CWH43: variants seen among roughly 807,000 people sequenced by gnomAD.
The protein encoded by CWH43 is PGAP2-interacting protein.
A neutral mutation model predicts 85.7 loss-of-function variants in CWH43; 91 were observed. The ratio of observed to expected loss-of-function variants is 1.06; its 90% CI spans 0.90 to 1.26. CWH43 has a LOEUF of 1.26. Ranked by LOEUF, CWH43 falls within the 50% of genes most tolerant of loss-of-function variation. The probability of loss-of-function intolerance (pLI) is 0.00; values close to 1 mark genes in which losing one functional copy is unlikely to be tolerated. For synonymous variants in CWH43, 323 were observed against 293.6 expected, an observed-to-expected ratio of 1.10 and a Z score of -1.02; for missense variants, 869 against 839.2, an observed-to-expected ratio of 1.04 and a Z score of -0.44.
chr4:49,023,274 A>G (rs1783807142), intron 9 of CWH43, among the ~76,000 whole-genome samples: 1 of 152,226 alleles, frequency 6.6e-6, no homozygotes, highest in African/African-American at 2.4e-5. Flanking sequence ...TTAAATTTCC[A>G]TCTGATTTCA....
chr4:49,045,840 C>T (rs985805911), intron 14 of CWH43, among the ~76,000 whole-genome samples: 11 of 151,954 alleles, frequency 7.2e-5, no homozygotes, highest in Non-Finnish European at 1.5e-4. Context: ...ATTTGCATAT[C>T]AATTACCTTA....
chr4:49,061,754 AC>A, intron 15 of CWH43, 57 bp from the exon 16 acceptor site: 1 of 1,216,766 alleles, frequency 8.2e-7, no homozygotes, highest in Non-Finnish European at 1.1e-6. Flanking sequence ...ATAAGAACAT[AC>A]CTTTCTGAAT....
chr4:49,045,163 G>T (rs1171420019), intron 14 of CWH43, among the ~76,000 whole-genome samples: 1 of 152,108 alleles, frequency 6.6e-6, no homozygotes, highest in Non-Finnish European at 1.5e-5. Flanking sequence ...GAATGTATGG[G>T]TTAGTGGAAA....
At chr4:49,001,151 C>G (rs1277949878) in intron 6 of CWH43, among the ~76,000 whole-genome samples, 1 of 152,128 alleles carries the variant, frequency 6.6e-6, no homozygotes, top group East Asian at 1.9e-4. Context: ...AGCAAAGATA[C>G]AGGTGCTTTA....
chr4:49,021,241 G>A (rs1783742815), intron 9 of CWH43, among the ~76,000 whole-genome samples: 1 of 152,148 alleles, frequency 6.6e-6, no homozygotes, highest in African/African-American at 2.4e-5. Flanking sequence ...TAAGGTGAGA[G>A]ATGAGGATCC....
intron 15 of CWH43, 147 bp downstream of exon 15, chr4:49,050,996 T>A: frequency 3.4e-6 from 2 of 586,156 alleles, no homozygotes; most frequent in Non-Finnish European, 5.5e-6. Flanking sequence ...TGATAAAATC[T>A]GGTTTGGGTT....
intron 14 of CWH43, among the ~76,000 whole-genome samples, chr4:49,048,865 GA>G (rs2109836792): frequency 6.6e-6 from 1 of 152,238 alleles, no homozygotes; most frequent in African/African-American, 2.4e-5. Flanking sequence ...ATGAAGTTAG[GA>G]ACTAGGGTTT....
chr4:49,048,256 TAGG>T (rs1784689094), intron 14 of CWH43, among the ~76,000 whole-genome samples: 1 of 151,588 alleles, frequency 6.6e-6, no homozygotes, highest in Non-Finnish European at 1.5e-5. Context: ...TACCTCTCCT[TAGG>T]AGAATGGGAT....
intron 8 of CWH43, among the ~76,000 whole-genome samples, chr4:49,011,986 G>C (rs1783377195): frequency 6.6e-6 from 1 of 152,080 alleles, no homozygotes; most frequent in Non-Finnish European, 1.5e-5. Flanking sequence ...TCTTTGTGGT[G>C]TTCTCTGTAT....
At chr4:49,049,225 T>A (rs1223858728) in intron 14 of CWH43, among the ~76,000 whole-genome samples, 3 of 152,224 alleles carry the variant, frequency 2.0e-5, no homozygotes, top group Non-Finnish European at 4.4e-5. Context: ...GAGTCACATC[T>A]GATGTTCAGT....
intron 9 of CWH43, among the ~76,000 whole-genome samples, chr4:49,017,866 C>T (rs1210610938): frequency 6.6e-6 from 1 of 151,510 alleles, no homozygotes; most frequent in African/African-American, 2.4e-5. Flanking sequence ...GATGGAGTCT[C>T]ACTCTGCCGC....
chr4:49,015,668 T>A (rs1467547270), intron 8 of CWH43, among the ~76,000 whole-genome samples: 1 of 152,192 alleles, frequency 6.6e-6, no homozygotes, highest in Non-Finnish European at 1.5e-5. Context: ...TGACTCCAAT[T>A]AGATATGTGT....
intron 13 of CWH43, among the ~76,000 whole-genome samples, chr4:49,039,306 G>GATATATATATATATATATAT (rs71600797): frequency 0.029 from 133 of 4,576 alleles, 26 homozygotes; most frequent in East Asian, 0.12. Flanking sequence ...TCAGGAGACT[G>GATATATATATATATATATAT]ATATATATAT....
intron 10 of CWH43, 77 bp from the exon 11 acceptor site, chr4:49,030,748 C>A: frequency 7.3e-7 from 1 of 1,369,824 alleles, no homozygotes. Context: ...GGTTAAGGGT[C>A]AAGAGTAAAG....
At chr4:49,048,124 T>A (rs1784684446) in intron 14 of CWH43, among the ~76,000 whole-genome samples, 1 of 152,158 alleles carries the variant, frequency 6.6e-6, no homozygotes, top group Non-Finnish European at 1.5e-5. Flanking sequence ...AGAAAACGAC[T>A]TTTCATATAG....
intron 6 of CWH43, among the ~76,000 whole-genome samples, chr4:48,998,945 A>C (rs933229555): frequency 1.3e-5 from 2 of 152,294 alleles, no homozygotes; most frequent in African/African-American, 4.8e-5. Flanking sequence ...CTGATTGATA[A>C]CTTTTAAGTT....
rs1458609134 is a variant in CWH43, at chr4:49,030,947, T to G, written c.1495T>G (p.Tyr499Asp). 5.0e-6 allele frequency: 8 copies of G among 1,596,956 alleles called. No individual in the cohort carries two copies. The highest frequency in any genetic ancestry group is 1.7e-4 in the Middle Eastern group (1 of 5,966). ...FYTDFGPSTR[Y>D]HTWGIMALSR... Reference sequence around the variant, plus strand: ...TACAGACTTTGGTCCAAGCACAAGGTATCACACTTGGGGGTGAGTATACCT... The same window carrying G: ...TACAGACTTTGGTCCAAGCACAAGGGATCACACTTGGGGGTGAGTATACCT... The change falls in exon 11 of 16, where the codon TAT becomes GAT. Residue 499 changes from tyrosine (Y) to aspartate (D), a missense_variant. Transcript: ENST00000226432.
In CWH43 at chr4:49,050,770, G is replaced by T. The variant is rs1357477208; in HGVS notation, c.1942G>T (p.Asp648Tyr). Reference sequence around the variant, plus strand: ...GATGGCAAAATTTAGGATCCCTGATGACCCCACTAATTATAGAGACAACCA... The same window carrying T: ...GATGGCAAAATTTAGGATCCCTGATTACCCCACTAATTATAGAGACAACCA... Reference protein sequence around the residue: ...IQMAKFRIPDDPTNYRDNQKV... With the variant: ...IQMAKFRIPDYPTNYRDNQKV... The change falls in exon 15 of 16, where the codon GAC becomes TAC. Residue 648 changes from aspartate (D) to tyrosine (Y), a missense_variant. By Grantham distance (160) the Asp-to-Tyr change is radical (BLOSUM62 -3). Coordinates refer to ENST00000226432, the MANE Select transcript of CWH43 (RefSeq NM_025087.3). 3.0e-5 allele frequency: 49 copies of T among 1,611,368 alleles called. No homozygotes were observed. The highest frequency in any genetic ancestry group is 3.9e-5 in the Non-Finnish European group (46 of 1,177,822).
chr4:49,005,850 C>T (rs1783140909), intron 7 of CWH43, among the ~76,000 whole-genome samples: 1 of 152,118 alleles, frequency 6.6e-6, no homozygotes, highest in Non-Finnish European at 1.5e-5. Context: ...TCCCCTGGTG[C>T]CCTGACAGAC....
Sources: allele counts gnomAD v4.1 joint callset (sites outside exome capture counted in the v4.1 genomes callset), GRCh38; gene constraint gnomAD v4.1.1; transcripts MANE v1.5; gene names NCBI Gene and HGNC (gene_info 2026-07-23, HGNC 2026-07-21).